XYLT1: variants seen among roughly 807,000 people sequenced by gnomAD.
XYLT1 encodes beta-D-xylosyltransferase 1.
In XYLT1, 36 loss-of-function variants were observed where a neutral mutation model predicts 91.3. The observed-to-expected ratio is 0.39, with a 90% CI of 0.30 to 0.52. XYLT1 has a LOEUF of 0.52. Ranked by LOEUF, XYLT1 falls within the 20% of genes least tolerant of loss-of-function variation. The pLI is 0.68. For synonymous variants in XYLT1, 588 were observed against 532.0 expected (o/e 1.11, Z -1.45); for missense variants, 1,242 against 1,284.5 (o/e 0.97, Z 0.51).
In XYLT1 at chr16:17,436,899, G is replaced by A. The variant is rs999015597; in HGVS notation, c.363+33535C>T. 2.6e-5 allele frequency among the ~76,000 whole-genome samples: 4 copies of A among 152,274 alleles called. No individual in the cohort carries two copies. The East Asian group carries it at 5.8e-4, about 22-fold the overall frequency. On this transcript the variant is annotated intron_variant, in intron 1 of 11. Coordinates refer to ENST00000261381, the MANE Select transcript of XYLT1 (RefSeq NM_022166.4). ...AGTGAAGACTTATTCCATTCACTGG[G>A]TAACATATGGGTTTCCCAGAGAGAA...
chr16:17,367,150 A>G (rs1398657921), intron 1 of XYLT1, among the ~76,000 whole-genome samples: 2 of 152,206 alleles, frequency 1.3e-5, no homozygotes, highest in Non-Finnish European at 2.9e-5. Flanking sequence ...CAGTCCTGAC[A>G]GAGTGGGTGG....
intron 5 of XYLT1, among the ~76,000 whole-genome samples, chr16:17,177,610 C>G (rs4071691): frequency 0.6 from 91,338 of 152,058 alleles, 29,783 homozygotes; most frequent in African/African-American, 0.86. Flanking sequence ...TTCACAGTGA[C>G]GCCCTACAGC....
intron 3 of XYLT1, among the ~76,000 whole-genome samples, chr16:17,247,361 G>T (rs779383134): frequency 1.3e-5 from 2 of 152,118 alleles, no homozygotes; most frequent in Non-Finnish European, 2.9e-5. Context: ...TACTGGGCAA[G>T]AACTCATGGA....
chr16:17,111,790 A>G (rs1454928179), intron 11 of XYLT1, among the ~76,000 whole-genome samples: 1 of 152,232 alleles, frequency 6.6e-6, no homozygotes, highest in Non-Finnish European at 1.5e-5. Context: ...GTGAGCAGTC[A>G]TTGAGCACAT....
intron 6 of XYLT1, among the ~76,000 whole-genome samples, chr16:17,157,033 C>T (rs374722418): frequency 2.6e-5 from 4 of 151,868 alleles, no homozygotes; most frequent in East Asian, 1.9e-4. Context: ...CTGCAACCTC[C>T]GACTCCCAGG....
At chr16:17,247,638 T>C (rs183734288) in intron 3 of XYLT1, among the ~76,000 whole-genome samples, 74 of 152,340 alleles carry the variant, frequency 4.9e-4, no homozygotes, top group African/African-American at 1.7e-3. Flanking sequence ...AGAACACAAG[T>C]GCCTTGTTCA....
intron 1 of XYLT1, among the ~76,000 whole-genome samples, chr16:17,379,763 T>TCTCTCA (rs373354877): frequency 0.011 from 1,397 of 125,458 alleles, 13 homozygotes; most frequent in Non-Finnish European, 0.017. Flanking sequence ...TCTCTCTCTC[T>TCTCTCA]CACACACACA....
rs769122570 is a variant in XYLT1, at chr16:17,470,439, C to G, written c.358G>C (p.Ala120Pro). The G allele has an allele frequency of 1.6e-6, 2 of 1,230,662 alleles. No individual in the cohort carries two copies. Among genetic ancestry groups the G allele is most frequent in the African/African-American group, 3.1e-5 (2 of 64,320 alleles). 76.2% of individuals were successfully genotyped at this position (1,230,662 alleles called of 1,614,324 possible). The part of the protein sequence containing the change: ...PASRGALPAR[A>P]LDPHPSPLIT... The stretch of plus-strand genomic sequence containing the variant: ...GAGCCGAAAGGGCATCTTACCAGAG[C>G]CCGGGCGGGCAGTGCCCCCCGGCTG... Residue 120 changes from alanine to proline, a missense_variant, in exon 1 of 12, where the codon GCT becomes CCT. Coordinates refer to ENST00000261381, the MANE Select transcript of XYLT1 (RefSeq NM_022166.4).
At chr16:17,449,709 A>G (rs2036641022) in intron 1 of XYLT1, among the ~76,000 whole-genome samples, 2 of 152,230 alleles carry the variant, frequency 1.3e-5, no homozygotes, top group South Asian at 4.1e-4. Context: ...ATTATTTATC[A>G]TCATCAACAG....
intron 3 of XYLT1, among the ~76,000 whole-genome samples, chr16:17,248,430 C>T (rs1245493084): frequency 6.6e-6 from 1 of 152,200 alleles, no homozygotes; most frequent in Non-Finnish European, 1.5e-5. Flanking sequence ...CTGAGAGATG[C>T]CTCTACCTCC....
At chr16:17,436,983 CTT>C (rs1160649069) in intron 1 of XYLT1, among the ~76,000 whole-genome samples, 2 of 152,292 alleles carry the variant, frequency 1.3e-5, no homozygotes, top group South Asian at 4.2e-4. Flanking sequence ...TGCTGACCCT[CTT>C]GAGTCCTTCC....
chr16:17,328,436 A>C (rs1596484518), intron 2 of XYLT1, among the ~76,000 whole-genome samples: 1 of 150,510 alleles, frequency 6.6e-6, no homozygotes, highest in Admixed American at 6.7e-5. Flanking sequence ...GCAATCCCAG[A>C]TACTCGGGAG....
rs1476932787 is a variant in XYLT1, at chr16:17,102,595, A to G, written c.*6100T>C. On this transcript the variant is annotated 3_prime_UTR_variant, in exon 12 of 12. Transcript: ENST00000261381. Reference sequence around the variant, plus strand: ...AGGGCAGGTAATGCAGTCATTTCTGAGACTCACATTCTACCTCAAGGAAAA... The same window carrying G: ...AGGGCAGGTAATGCAGTCATTTCTGGGACTCACATTCTACCTCAAGGAAAA... The G allele has an allele frequency of 6.6e-6, 1 of 152,612 alleles. No individual in the cohort carries two copies. 9.5% of individuals were successfully genotyped at this position (152,612 alleles called of 1,614,324 possible).
intron 2 of XYLT1, among the ~76,000 whole-genome samples, chr16:17,302,768 A>G (rs1256986817): frequency 1.3e-5 from 2 of 152,196 alleles, no homozygotes; most frequent in African/African-American, 4.8e-5. Flanking sequence ...AGATGAATCA[A>G]CAAACCACAG....
At chr16:17,125,330 C>A (rs1448097439) in intron 10 of XYLT1, among the ~76,000 whole-genome samples, 3 of 152,212 alleles carry the variant, frequency 2.0e-5, no homozygotes, top group Admixed American at 6.5e-5. Context: ...GTGGAAGCTG[C>A]AAGTTTGTCT....
At chr16:17,119,793 C>G (rs1379155620) in intron 10 of XYLT1, among the ~76,000 whole-genome samples, 3 of 152,188 alleles carry the variant, frequency 2.0e-5, no homozygotes, top group African/African-American at 7.2e-5. Context: ...CCATAAAGTC[C>G]AGCCCCAGAG....
chr16:17,155,154 T>C (rs763360949), intron 6 of XYLT1, among the ~76,000 whole-genome samples: 20 of 152,214 alleles, frequency 1.3e-4, no homozygotes, highest in Non-Finnish European at 2.5e-4. Context: ...GTGAGAATTA[T>C]GAGCTTGGAC....
chr16:17,379,907 G>A (rs2035658217), intron 1 of XYLT1, among the ~76,000 whole-genome samples: 1 of 152,126 alleles, frequency 6.6e-6, no homozygotes, highest in South Asian at 2.1e-4. Context: ...GCTGAATTCT[G>A]TAGGAAGACC....
intron 2 of XYLT1, among the ~76,000 whole-genome samples, chr16:17,305,399 G>A (rs1350351808): frequency 1.3e-5 from 2 of 149,406 alleles, no homozygotes; most frequent in Non-Finnish European, 3.0e-5. Context: ...ATATAATACA[G>A]AATACCTTCT....
Sources: allele counts gnomAD v4.1 joint callset (sites outside exome capture counted in the v4.1 genomes callset), GRCh38; gene constraint gnomAD v4.1.1; transcripts MANE v1.5; gene names NCBI Gene and HGNC (gene_info 2026-07-23, HGNC 2026-07-21).